Variants in MYLIP observed in about 807,000 individuals in gnomAD.
MYLIP encodes the protein E3 ubiquitin-protein ligase MYLIP.
Under a neutral mutation model 45.8 loss-of-function variants are expected in MYLIP, and 26 were observed. The ratio of observed to expected loss-of-function variants is 0.57; its 90% CI spans 0.42 to 0.79. MYLIP has a LOEUF of 0.79. Ranked by LOEUF, MYLIP falls within the 30% of genes least tolerant of loss-of-function variation. The pLI is 0.00. For synonymous variants in MYLIP, 213 were observed against 218.1 expected (o/e 0.98, Z 0.21); for missense variants, 494 against 555.6 (o/e 0.89, Z 1.11).
chr6:16,130,378 C>A (rs1759433616), intron 1 of MYLIP, among the ~76,000 whole-genome samples, 179 bp from the exon 2 acceptor site: 1 of 152,208 alleles, frequency 6.6e-6, no homozygotes, highest in African/African-American at 2.4e-5. Flanking sequence ...AGCCTCCATA[C>A]TAGAGCTCGT....
the MYLIP span, chr6:16,163,635 C>T: frequency 2.0e-5 from 3 of 152,214 alleles, 1 homozygote; most frequent in South Asian, 4.1e-4. Context: ...TCACTGGGGC[C>T]TTCCCATGAC....
rs1354000021 is a variant in MYLIP at position 16,132,340 on chromosome 6, A to G, written c.278+1593A>G. Reference sequence around the variant, plus strand: ...AACTATTATCAAATCAATTTTATTCATGTAAGAAATAGAGACATTTTATGA... The same window carrying G: ...AACTATTATCAAATCAATTTTATTCGTGTAAGAAATAGAGACATTTTATGA... On this transcript the variant is annotated intron_variant, in intron 2 of 6. Transcript: ENST00000356840. 4.6e-5 allele frequency among the ~76,000 whole-genome samples: 7 copies of G among 152,316 alleles called. No homozygotes were observed. The South Asian group carries it at 1.0e-3, about 23-fold the overall frequency.
chr6:16,140,895 G>A (rs559054134), intron 2 of MYLIP, among the ~76,000 whole-genome samples: 2 of 152,244 alleles, frequency 1.3e-5, no homozygotes, highest in Admixed American at 1.3e-4. Flanking sequence ...CCTGCATGGA[G>A]TCTGGAGGAG....
the MYLIP span, among the ~76,000 whole-genome samples, chr6:16,154,812 G>A: frequency 6.6e-6 from 1 of 152,048 alleles, no homozygotes; most frequent in Non-Finnish European, 1.5e-5. Context: ...CCTTTGCACA[G>A]CCCCATCCCA....
chr6:16,162,652 A>G, the MYLIP span, among the ~76,000 whole-genome samples: 18 of 152,162 alleles, frequency 1.2e-4, no homozygotes, highest in African/African-American at 4.3e-4. Flanking sequence ...GTACTTATAT[A>G]ATGAAATTCA....
chr6:16,149,187 A>G (rs115063162), downstream of MYLIP, among the ~76,000 whole-genome samples: 1,454 of 152,346 alleles, frequency 9.5e-3, 25 homozygotes, highest in African/African-American at 0.033. Context: ...TACTAGCATC[A>G]GAGGGAGTCT....
intron 4 of MYLIP, 87 bp downstream of exon 4, chr6:16,143,304 C>T (rs764261143): frequency 2.3e-5 from 30 of 1,280,628 alleles, no homozygotes; most frequent in South Asian, 5.0e-5. Flanking sequence ...GGGATTTACT[C>T]GACAGTCAGC....
chr6:16,157,684 T>C, the MYLIP span, among the ~76,000 whole-genome samples: 1 of 152,260 alleles, frequency 6.6e-6, no homozygotes, highest in East Asian at 1.9e-4. Context: ...GGTTTGGCTA[T>C]GTACATCTCC....
At position 16,145,251 on chromosome 6, in the gene MYLIP, G is replaced by T. The variant is rs776352586; in HGVS notation, c.1182G>T (p.Glu394Asp). Residue 394 changes from glutamate (E) to aspartate (D), a missense_variant, in exon 6 of 7, where the codon GAG becomes GAT. Coordinates refer to ENST00000356840, the MANE Select transcript of MYLIP (RefSeq NM_013262.4). ...TGTGCATGGTGTGCTGCGAGGAGGA[G>T]ATCAACTCCACCTTCTGTCCCTGTG... ...AMLCMVCCEEEINSTFCPCGH... is the reference protein window; with the variant it reads ...AMLCMVCCEEDINSTFCPCGH... The T allele has an allele frequency of 1.2e-6, 2 of 1,612,952 alleles. No individual in the cohort carries two copies. The highest frequency in any genetic ancestry group is 1.3e-5 in the African/African-American group (1 of 75,044).
At chr6:16,139,885 G>C (rs1759631353) in intron 2 of MYLIP, among the ~76,000 whole-genome samples, 1 of 152,148 alleles carries the variant, frequency 6.6e-6, no homozygotes, top group Non-Finnish European at 1.5e-5. Context: ...ATTTGGCAGA[G>C]TTTCATCATT....
chr6:16,143,244 C>T, intron 4 of MYLIP, 27 bp downstream of exon 4: 3 of 1,605,890 alleles, frequency 1.9e-6, no homozygotes, highest in Non-Finnish European at 1.7e-6. Flanking sequence ...CTTTTTTTGA[C>T]CTAAGCATGT....
the MYLIP span, chr6:16,163,475 A>G: frequency 6.6e-6 from 1 of 152,234 alleles, no homozygotes; most frequent in African/African-American, 2.4e-5. Context: ...AGCTGTCAAA[A>G]TTTGTCTTGG....
At chr6:16,157,915 T>C in the MYLIP span, among the ~76,000 whole-genome samples, 7 of 152,366 alleles carry the variant, frequency 4.6e-5, no homozygotes, top group Admixed American at 3.3e-4. Flanking sequence ...TCATTCTTCA[T>C]TCGCTTTAAT....
At chr6:16,149,138 T>C (rs183598045), downstream of MYLIP, among the ~76,000 whole-genome samples, 8 of 152,344 alleles carry the variant, frequency 5.3e-5, no homozygotes, top group East Asian at 1.5e-3. Flanking sequence ...TGTACTTTTG[T>C]CTCTGCGCGG....
chr6:16,145,076 T>C lies in MYLIP; in HGVS notation c.1007T>C (p.Val336Ala). The C allele has an allele frequency of 6.2e-7, 1 of 1,614,198 alleles. No individual in the cohort carries two copies. The highest frequency in any genetic ancestry group is 8.5e-7 in the Non-Finnish European group (1 of 1,180,026). ...ARRALYNAGV[V>A]DLVSRNNQSP... ...AGGGCTCTGTACAATGCTGGCGTTG[T>C]GGACCTCGTTTCAAGAAACAACCAG... The change falls in exon 6 of 7, where the codon GTG (valine) becomes GCG (alanine). Residue 336 changes from valine (V) to alanine (A), a missense_variant. Coordinates refer to ENST00000356840, the MANE Select transcript of MYLIP (RefSeq NM_013262.4).
At chr6:16,152,408 G>A (rs557154641), downstream of MYLIP, among the ~76,000 whole-genome samples, 35 of 152,196 alleles carry the variant, frequency 2.3e-4, no homozygotes, top group Non-Finnish European at 4.9e-4. Context: ...AGGAAGCACT[G>A]AGCAATGTCT....
intron 2 of MYLIP, among the ~76,000 whole-genome samples, chr6:16,137,151 T>C (rs983049505): frequency 1.3e-5 from 2 of 152,248 alleles, no homozygotes; most frequent in African/African-American, 4.8e-5. Context: ...TTTTAGCTTT[T>C]ACATTTAGAC....
At chr6:16,146,240 G>A (rs779983709) in intron 6 of MYLIP, among the ~76,000 whole-genome samples, 3 of 152,210 alleles carry the variant, frequency 2.0e-5, no homozygotes, top group African/African-American at 7.2e-5. Flanking sequence ...GGCCATGTGG[G>A]CATCAGCCCA....
chr6:16,129,268 C>T lies in MYLIP; in HGVS notation c.-55C>T. The T allele has an allele frequency of 6.5e-7, 1 of 1,528,772 alleles. No individual in the cohort carries two copies. The highest frequency in any genetic ancestry group is 8.9e-7 in the Non-Finnish European group (1 of 1,129,788). The allele number at this position is 1,528,772 out of a possible 1,614,324, so 94.7% of individuals were successfully genotyped here. ...CTGGGTCCCACCAGTGACAAGGCGG[C>T]AGCCCCGCGCACACCAAAGAGAAGG... is the stretch of plus-strand genomic sequence containing the variant. On this transcript the variant is annotated 5_prime_UTR_variant, in exon 1 of 7. Transcript: ENST00000356840. This position sits in a 1 kb window ranked among gnomAD's most constrained non-coding sequence, Gnocchi z 5.1.
Sources: gnomAD v4.1 joint callset for allele counts (sites outside exome capture counted in the v4.1 genomes callset) on GRCh38, gnomAD v4.1.1 for gene constraint, Gnocchi (gnomAD v3.1) non-coding constraint, MANE v1.5 for transcripts, NCBI Gene and HGNC (gene_info 2026-07-23, HGNC 2026-07-21) for gene names.